Variants in GCFC2 observed in about 807,000 individuals in gnomAD.
The protein encoded by GCFC2 is intron Large complex component GCFC2.
A neutral mutation model predicts 99.4 loss-of-function variants in GCFC2; 102 were observed. That is an observed-to-expected ratio of 1.03 (90% CI 0.87 to 1.21). The LOEUF is 1.21. Ranked by LOEUF, GCFC2 falls within the 50% of genes most tolerant of loss-of-function variation. The pLI is 0.00. For synonymous variants in GCFC2, 338 were observed against 316.8 expected (o/e 1.07, Z -0.71); for missense variants, 973 against 920.9 (o/e 1.06, Z -0.73).
At chr2:75,698,671 T>C (rs1474200963) in intron 4 of GCFC2, among the ~76,000 whole-genome samples, 6 of 152,182 alleles carry the variant, frequency 3.9e-5, no homozygotes, top group African/African-American at 1.4e-4. Context: ...ACCGTAATAC[T>C]CAACATCTGT....
intron 6 of GCFC2, among the ~76,000 whole-genome samples, chr2:75,693,752 T>C (rs1440986930): frequency 1.3e-5 from 2 of 151,774 alleles, no homozygotes; most frequent in Non-Finnish European, 2.9e-5. Flanking sequence ...AGAAAAAAAT[T>C]TCCACTAAGA....
intron 2 of GCFC2, among the ~76,000 whole-genome samples, chr2:75,704,650 A>C (rs1025854518): frequency 3.3e-5 from 5 of 152,244 alleles, no homozygotes; most frequent in Non-Finnish European, 7.3e-5. Context: ...AACACTTTAC[A>C]ACCACTGCCT....
chr2:75,689,825 T>TACA, intron 9 of GCFC2, 144 bp downstream of exon 9: 1 of 585,108 alleles, frequency 1.7e-6, no homozygotes, highest in Non-Finnish European at 3.0e-6. Flanking sequence ...AAAAGAGTCT[T>TACA]ACAGAGGAAA....
At chr2:75,685,830 A>C (rs1034747366) in intron 11 of GCFC2, among the ~76,000 whole-genome samples, 1 of 152,132 alleles carries the variant, frequency 6.6e-6, no homozygotes, top group Admixed American at 6.6e-5. Flanking sequence ...AACATGTCCC[A>C]AACTGAGCTG....
chr2:75,700,896 C>G (rs977689878), intron 4 of GCFC2, among the ~76,000 whole-genome samples: 1 of 152,132 alleles, frequency 6.6e-6, no homozygotes. Context: ...GAAAAACACA[C>G]AGTAGAGACA....
chr2:75,691,551 G>C (rs185849932), intron 7 of GCFC2, among the ~76,000 whole-genome samples: 1 of 151,620 alleles, frequency 6.6e-6, no homozygotes, highest in African/African-American at 2.4e-5. Flanking sequence ...AGATATCTCT[G>C]AAAGTACAAA....
chr2:75,698,093 C>T (rs1680414417), intron 4 of GCFC2: 1 of 152,216 alleles, frequency 6.6e-6, no homozygotes, highest in Non-Finnish European at 1.5e-5. Flanking sequence ...AATGTACTCA[C>T]ATTAGCAATA....
At chr2:75,669,612 C>T (rs1302668640) in intron 15 of GCFC2, among the ~76,000 whole-genome samples, 1 of 152,052 alleles carries the variant, frequency 6.6e-6, no homozygotes, top group Non-Finnish European at 1.5e-5. Context: ...TGTAAACAGC[C>T]AGCCATCTAG....
In GCFC2 at chr2:75,680,300, G is replaced by C; in HGVS notation, c.1705C>G (p.Leu569Val). ...IPRLTDFVEF[L>V]WDPLSTSQTT... ...TGTGAGGTTGACAAAGGATCCCAAA[G>C]GAATTCTACAAAGTCTGAAACAAAT... Residue 569 changes from leucine (L) to valine (V), a missense_variant, in exon 12 of 17, where the codon CTT becomes GTT. Coordinates refer to ENST00000321027, the MANE Select transcript of GCFC2 (RefSeq NM_003203.5). The C allele has an allele frequency of 6.2e-7, 1 of 1,609,800 alleles. No homozygotes were observed. Among genetic ancestry groups the C allele is most frequent in the Non-Finnish European group, 8.5e-7 (1 of 1,176,792 alleles).
intron 15 of GCFC2, 129 bp downstream of exon 15, chr2:75,670,009 G>A (rs969984677): frequency 4.4e-5 from 25 of 571,138 alleles, no homozygotes; most frequent in Non-Finnish European, 7.3e-5. Context: ...ACAGGCATGA[G>A]CCACTGTGCC....
chr2:75,698,201 G>A (rs377032847), intron 4 of GCFC2, among the ~76,000 whole-genome samples: 2 of 152,134 alleles, frequency 1.3e-5, no homozygotes, highest in Admixed American at 1.3e-4. Context: ...TGATATTGGC[G>A]ACATTACAGA....
intron 11 of GCFC2, among the ~76,000 whole-genome samples, chr2:75,681,042 G>A (rs1679552084): frequency 6.6e-6 from 1 of 152,104 alleles, no homozygotes; most frequent in African/African-American, 2.4e-5. Flanking sequence ...CTTCCACTTT[G>A]GTATTGACAT....
Position 75,690,670 on chromosome 2 carries a change from A to T in GCFC2, c.1194T>A (p.Thr398=). ...ATTCAATCTCTTCTAAAATCCACTG[A>T]GTTTTTTCATCTACTGAGAAGTTTC... ...TSGNFSVDEK[T]QWILEEIESR... Residue 398 remains threonine, a synonymous_variant, in exon 8 of 17, where the codon ACT becomes ACA. Transcript: ENST00000321027. 1.3e-6 allele frequency: 2 copies of T among 1,562,782 alleles called. No individual in the cohort carries two copies. Among genetic ancestry groups the T allele is most frequent in the Non-Finnish European group, 8.8e-7 (1 of 1,137,332 alleles).
rs536695664 is a variant in GCFC2, at chr2:75,664,053, C to G, written c.*613G>C. On this transcript the variant is annotated 3_prime_UTR_variant, in exon 17 of 17. Coordinates refer to ENST00000321027, the MANE Select transcript of GCFC2 (RefSeq NM_003203.5). The stretch of plus-strand genomic sequence containing the variant: ...ACTCTCTAATAGCCAACACAAAATA[C>G]GCTATTAAAATAAGATTTTTACCTT... 1 of 152,206 alleles carries G rather than the reference C, an allele frequency of 6.6e-6. No individual in the cohort carries two copies. Among genetic ancestry groups the G allele is most frequent in the East Asian group, 1.9e-4 (1 of 5,180 alleles). 9.4% of individuals were successfully genotyped at this position (152,206 alleles called of 1,614,324 possible).
At position 75,710,818 on chromosome 2, in the gene GCFC2, G is replaced by A. The variant is rs898737480; in HGVS notation, c.38C>T (p.Ala13Val). 15 of 1,576,576 alleles carry A rather than the reference G, an allele frequency of 9.5e-6. No individual in the cohort carries two copies. The highest frequency in any genetic ancestry group is 4.2e-5 in the African/African-American group (3 of 71,230). ...HRPKRTFRQR[A>V]ADSSDSDGAE... is the part of the protein sequence containing the mutation. ...GCCATCGCTGTCGCTGGAATCAGCC[G>A]CGCGCTGCCGAAAAGTCCTTTTCGG... The change falls in exon 1 of 17, where the codon GCG (alanine) becomes GTG (valine). Residue 13 changes from alanine to valine, a missense_variant. By Grantham distance (64) the Ala-to-Val change is moderately conservative (BLOSUM62 0). Coordinates refer to ENST00000321027, the MANE Select transcript of GCFC2 (RefSeq NM_003203.5).
At chr2:75,677,822 C>A (rs2104267480) in intron 12 of GCFC2, among the ~76,000 whole-genome samples, 1 of 152,172 alleles carries the variant, frequency 6.6e-6, no homozygotes, top group East Asian at 1.9e-4. Context: ...ACTAAAAGCA[C>A]ACAAAATTAG....
intron 15 of GCFC2, among the ~76,000 whole-genome samples, chr2:75,668,963 C>G (rs1406865083): frequency 6.6e-6 from 1 of 152,182 alleles, no homozygotes; most frequent in East Asian, 1.9e-4. Flanking sequence ...TGTTGTTTTC[C>G]TGTGTTTATA....
intron 1 of GCFC2, among the ~76,000 whole-genome samples, chr2:75,707,071 G>A (rs893727088): frequency 2.6e-5 from 4 of 152,132 alleles, no homozygotes; most frequent in African/African-American, 9.7e-5. Context: ...TAAAGTAAAT[G>A]CAATTTCTGA....
chr2:75,673,574 C>CAA (rs5832172), intron 12 of GCFC2, 54 bp from the exon 13 acceptor site: 378 of 737,164 alleles, frequency 5.1e-4, no homozygotes, highest in South Asian at 8.0e-4. Flanking sequence ...ATGTATTTAC[C>CAA]AAAAAAAAAG....
Sources: gnomAD v4.1 joint callset for allele counts (sites outside exome capture counted in the v4.1 genomes callset) on GRCh38, gnomAD v4.1.1 for gene constraint, MANE v1.5 for transcripts, NCBI Gene and HGNC (gene_info 2026-07-23, HGNC 2026-07-21) for gene names.